PLXNA2: variants seen among roughly 807,000 people sequenced by gnomAD.
The protein encoded by PLXNA2 is plexin-A2.
In PLXNA2, 91 loss-of-function variants were observed where a neutral mutation model predicts 193.5. The ratio of observed to expected loss-of-function variants is 0.47; its 90% confidence interval spans 0.40 to 0.56. The LOEUF (loss-of-function observed/expected upper bound fraction) is 0.56, where lower values mean the gene tolerates loss of function less well. PLXNA2 is among the 20% of genes least tolerant of loss of function. PLXNA2 has a pLI of 0.00. For synonymous variants in PLXNA2, 997 were observed against 1,027.3 expected, an observed-to-expected ratio of 0.97 and a Z score of 0.56; for missense variants, 1,995 against 2,503.2, an observed-to-expected ratio of 0.80 and a Z score of 4.33.
At position 208,082,317 on chromosome 1, in the gene PLXNA2, C is replaced by T. The variant is rs2102386696; in HGVS notation, c.2395+95G>A. The T allele has an allele frequency of 1.1e-6, 1 of 921,514 alleles. No homozygotes were observed. Among genetic ancestry groups the T allele is most frequent in the Non-Finnish European group, 1.7e-6 (1 of 573,552 alleles). 57.1% of individuals were successfully genotyped at this position (921,514 alleles called of 1,614,324 possible). A position where few individuals can be genotyped will look rare whatever the true frequency, so the allele number is the denominator to read the frequency against. ...CCGCCGACAGAGGGAGTGTATTATTCATGGCACAGCGGCTGGCTGGCTCTG... is the reference window on the plus strand; with the variant it reads ...CCGCCGACAGAGGGAGTGTATTATTTATGGCACAGCGGCTGGCTGGCTCTG... On this transcript the variant is annotated intron_variant, in intron 11 of 31. Transcript: ENST00000367033. This position sits in a 1 kb window ranked among gnomAD's most constrained non-coding sequence, Gnocchi z 4.2.
Position 208,043,045 on chromosome 1 carries a change from A to G in PLXNA2, c.4017+16T>C. ...GCATCCCTGCTGGGTGGCTGGGCCC[A>G]GGAGGCAGGCATTACCTCCAGCTCC... On this transcript the variant is annotated intron_variant, in intron 21 of 31. Coordinates refer to ENST00000367033, the MANE Select transcript of PLXNA2 (RefSeq NM_025179.4). 1 of 1,612,406 alleles carries G rather than the reference A, an allele frequency of 6.2e-7. No homozygotes were observed. Among genetic ancestry groups the G allele is most frequent in the South Asian group, 1.1e-5 (1 of 90,900 alleles).
chr1:208,048,439 C>T (rs2102330036), intron 17 of PLXNA2, among the ~76,000 whole-genome samples: 1 of 152,322 alleles, frequency 6.6e-6, no homozygotes, highest in East Asian at 1.9e-4. Flanking sequence ...AATCTACATT[C>T]CTGCATCCTT....
At chr1:208,216,679 G>A (rs1671138485) in intron 2 of PLXNA2, 56 bp downstream of exon 2, 2 of 1,554,934 alleles carry the variant, frequency 1.3e-6, no homozygotes, top group Non-Finnish European at 1.7e-6. Context: ...GCATGGACAG[G>A]AAGGTTGGAA....
rs527640243 is a variant in PLXNA2 at position 208,190,736 on chromosome 1, C to T, written c.1371+19544G>A. ...CAAAATCACCTCCAGTTGGAAACCA[C>T]TAGCTTGATGTAATTAATACAGATA... On this transcript the variant is annotated intron_variant, in intron 3 of 31. Coordinates refer to ENST00000367033, the MANE Select transcript of PLXNA2 (RefSeq NM_025179.4). Among the ~76,000 whole-genome samples the T allele has an allele frequency of 1.1e-4, 16 of 152,338 alleles. No homozygotes were observed. In the South Asian group the frequency reaches 3.3e-3, roughly 32 times the overall value.
At chr1:208,239,489 C>T (rs1671977604) in intron 1 of PLXNA2, among the ~76,000 whole-genome samples, 1 of 152,246 alleles carries the variant, frequency 6.6e-6, no homozygotes, top group Non-Finnish European at 1.5e-5. Context: ...GCATCTTGAT[C>T]TACATCTTCC....
intron 3 of PLXNA2, among the ~76,000 whole-genome samples, chr1:208,161,516 T>C (rs1439545669): frequency 6.6e-6 from 1 of 152,184 alleles, no homozygotes; most frequent in Non-Finnish European, 1.5e-5. Flanking sequence ...AATGTGCAAC[T>C]TCACGAGAGA....
At chr1:208,139,350 G>A (rs755614356) in intron 4 of PLXNA2, among the ~76,000 whole-genome samples, 2 of 152,182 alleles carry the variant, frequency 1.3e-5, no homozygotes, top group Non-Finnish European at 2.9e-5. Flanking sequence ...GAGGATGACT[G>A]GGTGTGTCAT....
chr1:208,194,039 C>T (rs187424247), intron 3 of PLXNA2, among the ~76,000 whole-genome samples: 117 of 151,936 alleles, frequency 7.7e-4, no homozygotes, highest in African/African-American at 2.7e-3. Context: ...TAGCTTAGGG[C>T]GCATAGCTCT....
chr1:208,094,950 T>C (rs1666831817), intron 8 of PLXNA2, among the ~76,000 whole-genome samples: 1 of 152,210 alleles, frequency 6.6e-6, no homozygotes, highest in Admixed American at 6.5e-5. Flanking sequence ...CTTCCCATCT[T>C]GATTGCTGAG....
intron 4 of PLXNA2, among the ~76,000 whole-genome samples, chr1:208,104,693 C>T (rs1667206107): frequency 1.3e-5 from 2 of 152,076 alleles, no homozygotes; most frequent in African/African-American, 4.8e-5. Flanking sequence ...AGAGATGAGC[C>T]TGCCTTTCCT....
chr1:208,144,098 C>G (rs1224076382), intron 3 of PLXNA2, among the ~76,000 whole-genome samples: 1 of 152,178 alleles, frequency 6.6e-6, no homozygotes, highest in East Asian at 1.9e-4. Flanking sequence ...CTCCCTTACA[C>G]CCTTTGGATT....
At chr1:208,081,027 G>A (rs527323375) in intron 11 of PLXNA2, among the ~76,000 whole-genome samples, 2 of 152,204 alleles carry the variant, frequency 1.3e-5, no homozygotes, top group African/African-American at 2.4e-5. Context: ...TGAAGACAAC[G>A]CTGTCTGTGC....
At position 208,052,563 on chromosome 1, in the gene PLXNA2, C is replaced by A. The variant is rs112060174; in HGVS notation, c.2857-100G>T. 1.1e-4 allele frequency: 138 copies of A among 1,203,260 alleles called. No homozygotes were observed. In the African/African-American group the frequency reaches 1.7e-3, roughly 15 times the overall value. The allele number at this position is 1,203,260 out of a possible 1,614,324, so 74.5% of individuals were successfully genotyped here. On this transcript the variant is annotated intron_variant, in intron 14 of 31. Coordinates refer to ENST00000367033, the MANE Select transcript of PLXNA2 (RefSeq NM_025179.4). ...TGGGAGAGATTGTTTTCATTCTGGG[C>A]GTGGTGGTACTTGTCCTGTCCTTTT...
At chr1:208,148,204 C>A (rs1668656134) in intron 3 of PLXNA2, among the ~76,000 whole-genome samples, 1 of 152,172 alleles carries the variant, frequency 6.6e-6, no homozygotes, top group South Asian at 2.1e-4. Flanking sequence ...CTCTAGTTAG[C>A]CCTAATTTAT....
intron 4 of PLXNA2, among the ~76,000 whole-genome samples, chr1:208,107,149 C>A (rs992408092): frequency 6.6e-6 from 1 of 152,160 alleles, no homozygotes. Flanking sequence ...GGTTCTCAAA[C>A]CAGCACCATT....
At chr1:208,045,032 G>T (rs186809554) in intron 19 of PLXNA2, 35 bp downstream of exon 19, 1 of 1,613,102 alleles carries the variant, frequency 6.2e-7, no homozygotes, top group Admixed American at 1.7e-5. Flanking sequence ...ACCACGAGGC[G>T]GGAAGGAGGC....
At chr1:208,210,243 GA>G in intron 3 of PLXNA2, 36 bp downstream of exon 3, 2 of 1,605,830 alleles carry the variant, frequency 1.2e-6, no homozygotes, top group Non-Finnish European at 1.7e-6. Flanking sequence ...CTGAGGAGGT[GA>G]ATGGCATTGG....
In PLXNA2 at chr1:208,023,673, T is replaced by A. The variant is rs1285939941; in HGVS notation, c.*3570A>T. 6.6e-6 allele frequency: 1 copy of A among 152,484 alleles called. No individual in the cohort carries two copies. The highest frequency in any genetic ancestry group is 6.5e-5 in the Admixed American group (1 of 15,288). The allele number at this position is 152,484 out of a possible 1,614,324, so 9.4% of individuals were successfully genotyped here. A position where few individuals can be genotyped will look rare whatever the true frequency, so the allele number is the denominator to read the frequency against. On this transcript the variant is annotated 3_prime_UTR_variant, in exon 32 of 32. Transcript: ENST00000367033. ...TGCTGGACCACTTTTCCTACAAAACTGGTACCCTGTGCCACTAGGGGAGGA... is the reference window on the plus strand; with the variant it reads ...TGCTGGACCACTTTTCCTACAAAACAGGTACCCTGTGCCACTAGGGGAGGA...
chr1:208,098,861 A>T lies in PLXNA2; in HGVS notation c.1716T>A (p.Ser572=). The part of the protein sequence containing the change: ...LAVHPSSISV[S]EHSRLLSLVV... ...AGTTACTTACCAACCGGCTGTGCTC[A>T]GATACTGAGATGCTGCTGGGATGCA... The change falls in exon 6 of 32, where the codon TCT becomes TCA. Residue 572 remains serine (S), a synonymous_variant. Transcript: ENST00000367033. 6.2e-7 allele frequency: 1 copy of T among 1,613,820 alleles called. No individual in the cohort carries two copies. Among genetic ancestry groups the T allele is most frequent in the South Asian group, 1.1e-5 (1 of 90,912 alleles).
Sources: gnomAD v4.1 joint callset for allele counts (sites outside exome capture counted in the v4.1 genomes callset) on GRCh38, gnomAD v4.1.1 for gene constraint, Gnocchi (gnomAD v3.1) non-coding constraint, MANE v1.5 for transcripts, NCBI Gene and HGNC (gene_info 2026-07-23, HGNC 2026-07-21) for gene names.